THSD4: variants seen among roughly 807,000 people sequenced by gnomAD.
THSD4 encodes thrombospondin type-1 domain-containing protein 4.
A neutral mutation model predicts 119.0 loss-of-function variants in THSD4; 69 were observed. The ratio of observed to expected loss-of-function variants is 0.58; its 90% CI spans 0.48 to 0.71. The LOEUF (loss-of-function observed/expected upper bound fraction) is 0.71, where lower values mean the gene tolerates loss of function less well. Among genes scored for constraint, THSD4 ranks in the 30% least tolerant of loss-of-function variants. The pLI, the probability that THSD4 is intolerant of heterozygous loss-of-function variation, is 0.00. For synonymous variants in THSD4, 524 were observed against 540.4 expected (o/e 0.97, Z 0.42); for missense variants, 1,393 against 1,391.1 (o/e 1.00, Z -0.02).
At chr15:71,394,405 T>TCA (rs2140473977) in intron 6 of THSD4, among the ~76,000 whole-genome samples, 1 of 151,928 alleles carries the variant, frequency 6.6e-6, no homozygotes, top group East Asian at 2.0e-4. Context: ...CCTGAGTAGC[T>TCA]GGGACTACAG....
At chr15:71,484,366 C>G (rs1244899533) in intron 7 of THSD4, among the ~76,000 whole-genome samples, 1 of 152,194 alleles carries the variant, frequency 6.6e-6, no homozygotes, top group East Asian at 1.9e-4. Context: ...GGCCCTGGGT[C>G]TCTTCTTACA....
intron 7 of THSD4, among the ~76,000 whole-genome samples, chr15:71,574,325 C>A (rs1306964302): frequency 1.3e-5 from 2 of 152,164 alleles, no homozygotes; most frequent in Non-Finnish European, 2.9e-5. Context: ...TTATTGTCAT[C>A]CCCTTTTGCT....
chr15:71,475,128 C>T (rs770704340), intron 7 of THSD4, among the ~76,000 whole-genome samples: 1 of 152,182 alleles, frequency 6.6e-6, no homozygotes, highest in Non-Finnish European at 1.5e-5. Flanking sequence ...CTCTTATGCC[C>T]TAACCTATAA....
chr15:71,594,591 C>T (rs1301689505), intron 7 of THSD4, among the ~76,000 whole-genome samples: 1 of 152,108 alleles, frequency 6.6e-6, no homozygotes, highest in Non-Finnish European at 1.5e-5. Context: ...CCCCACATTG[C>T]CTTAGGTGGA....
chr15:71,545,476 G>A lies in THSD4; in HGVS notation c.1153-115054G>A, dbSNP rs146338772. ...GTGGTTTCCTTTGTGCTATAATGGC[G>A]GCGTTGAGTAGTTGCTACTTGAGCC... On this transcript the variant is annotated intron_variant, in intron 7 of 17. Coordinates refer to ENST00000261862, the MANE Select transcript of THSD4 (RefSeq NM_024817.3). Among the ~76,000 whole-genome samples, 120 of 152,254 alleles carry A rather than the reference G, an allele frequency of 7.9e-4. 1 individual carries two copies. The highest frequency in any genetic ancestry group is 2.3e-3 in the African/African-American group (97 of 41,550).
chr15:71,235,933 G>A (rs2044101593), intron 4 of THSD4, among the ~76,000 whole-genome samples: 1 of 152,136 alleles, frequency 6.6e-6, no homozygotes, highest in Non-Finnish European at 1.5e-5. Flanking sequence ...GGACCTTCAA[G>A]GTTAAGCAGT....
At chr15:71,722,451 T>A (rs1279567348) in intron 8 of THSD4, among the ~76,000 whole-genome samples, 2 of 152,186 alleles carry the variant, frequency 1.3e-5, no homozygotes, top group African/African-American at 2.4e-5. Context: ...ATTCCTCCTG[T>A]GCTGTCTTTC....
chr15:71,773,791 A>C (rs556976692), intron 17 of THSD4, among the ~76,000 whole-genome samples: 1 of 152,358 alleles, frequency 6.6e-6, no homozygotes, highest in Non-Finnish European at 1.5e-5. Context: ...ATAGTACCTG[A>C]GTACATGGGT....
In THSD4 at chr15:71,108,281, G is replaced by A. The variant is rs545748695; in HGVS notation, c.-80+11275G>A. ...TCATAGAAGATGAATTCTGGCAAGA[G>A]GCTGAGTTCTGGAAAGCGGCATGAA... is the stretch of plus-strand genomic sequence containing the variant. On this transcript the variant is annotated intron_variant, in intron 1 of 17. Transcript: ENST00000355327. Among the ~76,000 whole-genome samples, 7 of 152,330 alleles carry A rather than the reference G, an allele frequency of 4.6e-5. No individual in the cohort carries two copies. In the South Asian group the frequency reaches 1.5e-3, roughly 32 times the overall value.
At chr15:71,351,927 CT>C (rs555807824) in intron 6 of THSD4, among the ~76,000 whole-genome samples, 8 of 152,352 alleles carry the variant, frequency 5.3e-5, no homozygotes, top group African/African-American at 1.9e-4. Context: ...CCACTACCTT[CT>C]GTCATTTGGC....
At chr15:71,651,376 C>T (rs962612) in intron 7 of THSD4, among the ~76,000 whole-genome samples, 56,204 of 152,006 alleles carry the variant, frequency 0.37, 11,322 homozygotes, top group East Asian at 0.9. Flanking sequence ...GTCCATTGCC[C>T]GTGTTTGCCA....
At chr15:71,527,686 T>C (rs2048543556) in intron 7 of THSD4, among the ~76,000 whole-genome samples, 1 of 151,408 alleles carries the variant, frequency 6.6e-6, no homozygotes, top group Admixed American at 6.6e-5. Flanking sequence ...TTTTGTTGAT[T>C]TTTTTTCCCC....
intron 6 of THSD4, among the ~76,000 whole-genome samples, chr15:71,400,472 G>C (rs1459767711): frequency 6.6e-6 from 1 of 152,098 alleles, no homozygotes; most frequent in Non-Finnish European, 1.5e-5. Context: ...GTAATCATCT[G>C]AGTCTAGTCC....
At chr15:71,592,864 T>A (rs1366318929) in intron 7 of THSD4, among the ~76,000 whole-genome samples, 1 of 152,142 alleles carries the variant, frequency 6.6e-6, no homozygotes, top group South Asian at 2.1e-4. Flanking sequence ...CTGAGCTGAC[T>A]GTCCTGCCTG....
intron 7 of THSD4, among the ~76,000 whole-genome samples, chr15:71,488,101 A>T (rs2047850881): frequency 6.6e-6 from 1 of 152,110 alleles, no homozygotes; most frequent in Non-Finnish European, 1.5e-5. Flanking sequence ...TGCTTCTTGT[A>T]TTTCTCTCTT....
chr15:71,606,399 A>T (rs72740640), intron 7 of THSD4, among the ~76,000 whole-genome samples: 11,913 of 152,200 alleles, frequency 0.078, 519 homozygotes, highest in Admixed American at 0.12. Flanking sequence ...AATTAATTTT[A>T]TATTCCTTGT....
chr15:71,600,816 A>C (rs1425583620), intron 7 of THSD4, among the ~76,000 whole-genome samples: 1 of 149,284 alleles, frequency 6.7e-6, no homozygotes, highest in Non-Finnish European at 1.5e-5. Flanking sequence ...GCGCAATCTC[A>C]GCTCACTGAA....
Position 71,758,086 on chromosome 15 carries a change from A to C in THSD4, c.2589+11A>C. 6.4e-7 allele frequency: 1 copy of C among 1,557,122 alleles called. No homozygotes were observed. Among genetic ancestry groups the C allele is most frequent in the African/African-American group, 1.4e-5 (1 of 73,586 alleles). ...GGGAGCTGGAGTCAGGTGAGTGGCC[A>C]GAACTGGGTATGTCTGCCTGTGTCA... On this transcript the variant is annotated intron_variant, in intron 15 of 17. Coordinates refer to ENST00000261862, the MANE Select transcript of THSD4 (RefSeq NM_024817.3).
chr15:71,483,208 CTACAGGCTCGAG>C (rs1420607853), intron 7 of THSD4, among the ~76,000 whole-genome samples: 1 of 152,174 alleles, frequency 6.6e-6, no homozygotes, highest in Non-Finnish European at 1.5e-5. Flanking sequence ...GTTGGGCTGA[CTACAGGCTCGAG>C]TCCCTCAGAC....
Sources: gnomAD v4.1 joint callset for allele counts (sites outside exome capture counted in the v4.1 genomes callset) on GRCh38, gnomAD v4.1.1 for gene constraint, MANE v1.5 for transcripts, NCBI Gene and HGNC (gene_info 2026-07-23, HGNC 2026-07-21) for gene names.